Variants in NUP205 observed in about 807,000 individuals in gnomAD.
NUP205 encodes the protein nuclear pore complex protein Nup205.
A neutral mutation model predicts 253.8 loss-of-function variants in NUP205; 76 were observed. The ratio of observed to expected loss-of-function variants is 0.30; its 90% CI spans 0.25 to 0.36. The LOEUF is 0.36. Ranked by LOEUF, NUP205 falls within the 10% of genes least tolerant of loss-of-function variation. NUP205 has a pLI of 1.00. For synonymous variants in NUP205, 832 were observed against 850.1 expected, an observed-to-expected ratio of 0.98 and a Z score of 0.37; for missense variants, 2,162 against 2,425.5, an observed-to-expected ratio of 0.89 and a Z score of 2.28.
At chr7:135,591,388 G>A (rs1806624524) in intron 10 of NUP205, 62 bp from the exon 11 acceptor site, 15 of 1,427,116 alleles carry the variant, frequency 1.1e-5, no homozygotes, top group Admixed American at 3.5e-5. Context: ...TTATTAGCTA[G>A]TCCGTGTTGC....
intron 1 of NUP205, among the ~76,000 whole-genome samples, chr7:135,565,326 T>G (rs1239045699): frequency 6.6e-6 from 1 of 152,134 alleles, no homozygotes; most frequent in Non-Finnish European, 1.5e-5. Context: ...ATTAATACCT[T>G]CCCTTTATAC....
At position 135,577,922 on chromosome 7, in the gene NUP205, G is replaced by C. The variant is rs1806194703; in HGVS notation, c.775G>C (p.Glu259Gln). 1.9e-6 allele frequency: 3 copies of C among 1,614,038 alleles called. No homozygotes were observed. The highest frequency in any genetic ancestry group is 2.5e-6 in the Non-Finnish European group (3 of 1,179,966). ...LIGHLERVTVEANGSLDAVNL... is the reference protein window; with the variant it reads ...LIGHLERVTVQANGSLDAVNL... ...TGGACATTTGGAAAGAGTGACAGTT[G>C]AGGCTAATGGCTCACTGGATGCAGT... Residue 259 changes from glutamate (E) to glutamine (Q), a missense_variant, in exon 6 of 43, where the codon GAG (glutamate) becomes CAG (glutamine). Transcript: ENST00000285968.
At chr7:135,568,297 G>A (rs201275233) in intron 1 of NUP205, among the ~76,000 whole-genome samples, 1 of 151,446 alleles carries the variant, frequency 6.6e-6, no homozygotes, top group East Asian at 1.9e-4. Flanking sequence ...AAATATCATA[G>A]GGCATTGAAT....
chr7:135,616,030 T>C lies in NUP205; in HGVS notation c.3425T>C (p.Leu1142Pro), dbSNP rs970122636. 4.2e-5 allele frequency: 68 copies of C among 1,613,636 alleles called. No homozygotes were observed. The highest frequency in any genetic ancestry group is 5.5e-5 in the Non-Finnish European group (65 of 1,179,768). Reference protein sequence around the residue: ...QRSHTQRLLHLLLDDMPVKPY... With the variant: ...QRSHTQRLLHPLLDDMPVKPY... ...TCACATACCCAGAGGCTCCTACACCTCTTACTGGATGACATGCCAGTGAAA... is the reference window on the plus strand; with the variant it reads ...TCACATACCCAGAGGCTCCTACACCCCTTACTGGATGACATGCCAGTGAAA... Residue 1142 changes from leucine to proline, a missense_variant, in exon 24 of 43, where the codon CTC (leucine) becomes CCC (proline). Around this residue, in one of 5 missense-constraint regions of NUP205, gnomAD observed 1,144 missense variants for 1,280.9 expected, o/e 0.89. Transcript: ENST00000285968.
intron 1 of NUP205, among the ~76,000 whole-genome samples, chr7:135,568,786 T>TTCACACCTGTCTCTGATCCTTTGC (rs1805859239): frequency 6.6e-6 from 1 of 152,228 alleles, no homozygotes. Context: ...CTTTCATGCT[T>TTCACACCTGTCTCTGATCCTTTGC]TCACACCTGT....
intron 27 of NUP205, among the ~76,000 whole-genome samples, chr7:135,618,155 A>G (rs901916889): frequency 3.0e-4 from 46 of 152,312 alleles, no homozygotes; most frequent in African/African-American, 1.1e-3. Context: ...AGACAGGTAC[A>G]AGGAGAAAGA....
intron 21 of NUP205, 69 bp downstream of exon 21, chr7:135,606,984 T>C: frequency 6.9e-7 from 1 of 1,448,832 alleles, no homozygotes; most frequent in Admixed American, 1.9e-5. Context: ...ACTGATTGCA[T>C]TCTGGGCTCA....
intron 25 of NUP205, 43 bp downstream of exon 25, chr7:135,616,769 A>T: frequency 8.6e-7 from 1 of 1,159,980 alleles, no homozygotes; most frequent in Non-Finnish European, 1.2e-6. Context: ...TTATAGACAT[A>T]TATTAAAAAA....
intron 17 of NUP205, 110 bp from the exon 18 acceptor site, chr7:135,602,695 A>C (rs1161880914): frequency 4.8e-6 from 4 of 840,132 alleles, no homozygotes; most frequent in Non-Finnish European, 7.5e-6. Context: ...AAGAGTCTGA[A>C]TCTCTAGATC....
At chr7:135,641,724 C>T (rs1794918658) in intron 38 of NUP205, among the ~76,000 whole-genome samples, 1 of 150,700 alleles carries the variant, frequency 6.6e-6, no homozygotes, top group Non-Finnish European at 1.5e-5. Context: ...CACCTGAGCC[C>T]AGGAGGTTGA....
chr7:135,634,052 A>G (rs1794764661), intron 35 of NUP205, among the ~76,000 whole-genome samples: 1 of 152,124 alleles, frequency 6.6e-6, no homozygotes, highest in African/African-American at 2.4e-5. Context: ...CACAAATCTT[A>G]TCAGCAGATT....
intron 31 of NUP205, among the ~76,000 whole-genome samples, chr7:135,623,325 A>G (rs1794516312): frequency 6.6e-6 from 1 of 150,664 alleles, no homozygotes; most frequent in South Asian, 2.1e-4. Flanking sequence ...TTAATAATGT[A>G]TGGTACATAT....
intron 39 of NUP205, among the ~76,000 whole-genome samples, chr7:135,643,580 G>A (rs559991411): frequency 5.3e-5 from 8 of 152,270 alleles, no homozygotes; most frequent in South Asian, 4.1e-4. Context: ...CAAGAAAATA[G>A]AAAGGCAGCT....
chr7:135,617,347 A>G (rs971768443), intron 26 of NUP205, 100 bp downstream of exon 26: 2 of 1,190,470 alleles, frequency 1.7e-6, no homozygotes, highest in South Asian at 3.0e-5. Context: ...TCTGATAGAG[A>G]CATTGGTTTA....
chr7:135,619,920 G>T, intron 30 of NUP205, 32 bp downstream of exon 30: 1 of 1,357,372 alleles, frequency 7.4e-7, no homozygotes, highest in Non-Finnish European at 1.0e-6. Flanking sequence ...ATCTTTTCTG[G>T]ATTGGGAGAT....
rs899937985 is a variant in NUP205 at position 135,614,197 on chromosome 7, T to A, written c.3234T>A (p.Gly1078=). 3 of 1,611,558 alleles carry A rather than the reference T, an allele frequency of 1.9e-6. No individual in the cohort carries two copies. Among genetic ancestry groups the A allele is most frequent in the Non-Finnish European group, 2.5e-6 (3 of 1,177,914 alleles). ...YQLCACSDTS[G]PTMRYLRTSQ... is the part of the protein sequence containing the mutation. ...TATGTGCATGCTCTGATACATCTGG[T>A]CCTACTATGAGGTACTTGAGAACCA... The change falls in exon 23 of 43, where the codon GGT becomes GGA. Residue 1078 remains glycine (G), a synonymous_variant. Transcript: ENST00000285968.
At chr7:135,561,646 C>G (rs1231105176) in intron 1 of NUP205, among the ~76,000 whole-genome samples, 1 of 152,236 alleles carries the variant, frequency 6.6e-6, no homozygotes, top group Non-Finnish European at 1.5e-5. Flanking sequence ...TATTCACTCT[C>G]AAACCTACAA....
chr7:135,558,788 G>A (rs1376240765), intron 1 of NUP205, among the ~76,000 whole-genome samples: 1 of 152,212 alleles, frequency 6.6e-6, no homozygotes, highest in African/African-American at 2.4e-5. Flanking sequence ...TGCCTAGAAT[G>A]TTAATGCCTC....
chr7:135,569,879 G>A (rs2129489670), intron 1 of NUP205, among the ~76,000 whole-genome samples: 1 of 151,988 alleles, frequency 6.6e-6, no homozygotes, highest in East Asian at 1.9e-4. Context: ...CCCTACTGCT[G>A]CTTTTCATCT....
Sources: allele counts gnomAD v4.1 joint callset (sites outside exome capture counted in the v4.1 genomes callset), GRCh38; gene constraint gnomAD v4.1.1; regional missense constraint gnomAD v4.1.1; transcripts MANE v1.5; gene names NCBI Gene and HGNC (gene_info 2026-07-23, HGNC 2026-07-21).